Variants in SETD4 observed in about 807,000 individuals in gnomAD.
SETD4 encodes SET domain-containing protein 4.
SETD4 carries 46 observed loss-of-function variants against 58.3 expected under a neutral mutation model. That is an observed-to-expected ratio of 0.79 (90% CI 0.62 to 1.01). SETD4 has a LOEUF of 1.01. SETD4 is among the 50% of genes least tolerant of loss of function. The pLI, the probability that SETD4 is intolerant of heterozygous loss-of-function variation, is 0.00. For missense variants in SETD4, 490 were observed against 523.3 expected (o/e 0.94, Z 0.62); for synonymous variants, 190 against 202.6 (o/e 0.94, Z 0.53).
At chr21:36,041,594 A>G (rs1027501704) in intron 8 of SETD4, among the ~76,000 whole-genome samples, 1 of 152,170 alleles carries the variant, frequency 6.6e-6, no homozygotes, top group Non-Finnish European at 1.5e-5. Context: ...CTTGTATCTT[A>G]TGTCCCTAAA....
chr21:36,050,750 T>C, intron 4 of SETD4: 1 of 1,612,664 alleles, frequency 6.2e-7, no homozygotes. Flanking sequence ...ACCATTTGGC[T>C]GATCTAAGCC....
At chr21:36,056,996 A>G (rs961054057) in intron 3 of SETD4, 113 bp downstream of exon 3, 3 of 821,994 alleles carry the variant, frequency 3.6e-6, no homozygotes, top group Non-Finnish European at 6.2e-6. Flanking sequence ...AGGGGAACAC[A>G]TGCAAACCAG....
chr21:36,037,180 C>T lies in SETD4; in HGVS notation c.1189-929G>A, dbSNP rs141173678. ...TTGCTAAGTGCAGATTTTAAGTGTT[C>T]TCACCACAAAAAAAATAAGTATATG... On this transcript the variant is annotated intron_variant, in intron 10 of 11. Coordinates refer to ENST00000332131, the MANE Select transcript of SETD4 (RefSeq NM_017438.5). 7.3e-3 allele frequency among the ~76,000 whole-genome samples: 1,111 copies of T among 152,208 alleles called. 17 individuals carry two copies. Among genetic ancestry groups the T allele is most frequent in the African/African-American group, 0.025 (1,056 of 41,540 alleles).
intron 5 of SETD4, 61 bp from the exon 6 acceptor site, chr21:36,046,072 A>C: frequency 1.9e-6 from 3 of 1,558,058 alleles, no homozygotes; most frequent in Non-Finnish European, 2.6e-6. Context: ...AAATAAGCCA[A>C]GCAGTTTGTT....
At chr21:36,055,105 C>T (rs984605593) in intron 3 of SETD4, among the ~76,000 whole-genome samples, 1 of 152,166 alleles carries the variant, frequency 6.6e-6, no homozygotes, top group Non-Finnish European at 1.5e-5. Context: ...TCCCTGTGCT[C>T]CAGAACTCCT....
chr21:36,057,069 C>T (rs766735845), intron 3 of SETD4, 40 bp downstream of exon 3: 13 of 1,539,730 alleles, frequency 8.4e-6, no homozygotes, highest in South Asian at 3.4e-5. Flanking sequence ...ACCTGGCTCT[C>T]GTGTGGGAAA....
At chr21:36,056,006 G>C (rs2064966139) in intron 3 of SETD4, among the ~76,000 whole-genome samples, 1 of 152,122 alleles carries the variant, frequency 6.6e-6, no homozygotes, top group Non-Finnish European at 1.5e-5. Context: ...GGCTTTTACT[G>C]ACCATCTTTG....
intron 10 of SETD4, chr21:36,036,479 C>T (rs937966171): frequency 3.1e-6 from 1 of 321,362 alleles, no homozygotes; most frequent in South Asian, 1.2e-4. Context: ...CCCAAACCCC[C>T]CGTCACCTCT....
chr21:36,035,346 T>A lies in SETD4; in HGVS notation c.*647A>T, dbSNP rs1218344477. 6.6e-6 allele frequency: 1 copy of A among 152,566 alleles called. No individual in the cohort carries two copies. The highest frequency in any genetic ancestry group is 1.5e-5 in the Non-Finnish European group (1 of 68,294). The allele number at this position is 152,566 out of a possible 1,614,324, so 9.5% of individuals were successfully genotyped here. On this transcript the variant is annotated 3_prime_UTR_variant, in exon 12 of 12. Transcript: ENST00000332131. ...CCCACCACGGCCCAGCTGTGCAGGA[T>A]GAGCCAGCTCCCCAGGTGGAAAGGC...
At chr21:36,058,285 G>A (rs917557092) in intron 2 of SETD4, among the ~76,000 whole-genome samples, 1 of 152,050 alleles carries the variant, frequency 6.6e-6, no homozygotes, top group African/African-American at 2.4e-5. Context: ...AGGACCACTC[G>A]AGCCCAGGAG....
chr21:36,057,306 A>G (rs1030352584), intron 2 of SETD4, 102 bp from the exon 3 acceptor site: 1 of 892,874 alleles, frequency 1.1e-6, no homozygotes, highest in East Asian at 2.5e-5. Flanking sequence ...ACAGACTTAC[A>G]CAATAGTAAG....
At chr21:36,053,223 T>C (rs1206532909) in intron 4 of SETD4, 2 of 285,098 alleles carry the variant, frequency 7.0e-6, no homozygotes, top group Non-Finnish European at 1.3e-5. Context: ...GATGCCCAAG[T>C]TCCAAGACCC....
chr21:36,041,906 A>AAATCAG lies in SETD4; in HGVS notation c.902-19_902-18insCTGATT. On this transcript the variant is annotated intron_variant, in intron 7 of 11. Transcript: ENST00000332131. ...AAGTATTTCTATATTCAAAAAAAAA[A>AAATCAG]ATCAGACTGTTAGGGCATAAATTTG... is the stretch of plus-strand genomic sequence containing the variant. The AAATCAG allele has an allele frequency of 1.5e-6, 2 of 1,365,660 alleles. No homozygotes were observed. Among genetic ancestry groups the AAATCAG allele is most frequent in the Non-Finnish European group, 2.0e-6 (2 of 1,010,258 alleles). The allele number at this position is 1,365,660 out of a possible 1,614,324, so 84.6% of individuals were successfully genotyped here.
chr21:36,048,156 A>T, intron 5 of SETD4, 152 bp downstream of exon 5: 2 of 688,616 alleles, frequency 2.9e-6, no homozygotes, highest in Non-Finnish European at 5.0e-6. Context: ...CAAACTTTCT[A>T]GAATGGAGTA....
intron 9 of SETD4, 38 bp from the exon 10 acceptor site, chr21:36,038,311 C>T: frequency 6.3e-7 from 1 of 1,598,740 alleles, no homozygotes; most frequent in Non-Finnish European, 8.5e-7. Context: ...TTTTAGCAGG[C>T]TCTCAAAAAA....
rs1282585132 is a variant in SETD4, at chr21:36,059,068, CTG to C, written c.-36-146_-36-145del. 16 of 1,007,100 alleles carry C rather than the reference CTG, an allele frequency of 1.6e-5. No individual in the cohort carries two copies. The Admixed American group carries it at 2.2e-4, about 14-fold the overall frequency. 62.4% of individuals were successfully genotyped at this position (1,007,100 alleles called of 1,614,324 possible). On this transcript the variant is annotated intron_variant, in intron 1 of 11. Transcript: ENST00000332131. ...GTATACAAATGTATGTTTTGGTAAA[CTG>C]TTTCTCTCAAGTGCTTTTGTACATG...
chr21:36,046,670 G>A (rs1443700004), intron 5 of SETD4, among the ~76,000 whole-genome samples: 2 of 152,176 alleles, frequency 1.3e-5, no homozygotes, highest in African/African-American at 4.8e-5. Flanking sequence ...CAGTTCTAAA[G>A]CTTTTATTCC....
intron 8 of SETD4, among the ~76,000 whole-genome samples, chr21:36,041,159 C>CAAAAAA (rs35920101): frequency 2.5e-5 from 1 of 40,028 alleles, no homozygotes; most frequent in Non-Finnish European, 4.1e-5. Context: ...GACTCCTTCT[C>CAAAAAA]AAAAAAAAAA....
chr21:36,059,174 T>G (rs763259765), intron 1 of SETD4: 25 of 269,528 alleles, frequency 9.3e-5, no homozygotes, highest in Non-Finnish European at 1.4e-4. Flanking sequence ...AAAACAGTTT[T>G]ATCTTGCAGA....
Sources: allele counts gnomAD v4.1 joint callset (sites outside exome capture counted in the v4.1 genomes callset), GRCh38; gene constraint gnomAD v4.1.1; transcripts MANE v1.5; gene names NCBI Gene and HGNC (gene_info 2026-07-23, HGNC 2026-07-21).